The following ROBO1 variants were observed in gnomAD, a reference collection of about 807,000 sequenced individuals.
ROBO1 encodes the protein roundabout homolog 1.
Under a neutral mutation model 195.9 loss-of-function variants are expected in ROBO1, and 149 were observed. The observed-to-expected ratio is 0.76, with a 90% confidence interval of 0.67 to 0.87. The LOEUF is 0.87. Ranked by LOEUF, ROBO1 falls within the 40% of genes least tolerant of loss-of-function variation. The pLI is 0.00. For missense variants in ROBO1, 1,933 were observed against 2,068.3 expected (o/e 0.93, Z 1.27); for synonymous variants, 816 against 733.2 (o/e 1.11, Z -1.82).
intron 3 of ROBO1, among the ~76,000 whole-genome samples, chr3:79,031,602 T>C (rs1576591324): frequency 6.6e-6 from 1 of 152,206 alleles, no homozygotes; most frequent in East Asian, 1.9e-4. Context: ...CTAGCACCTA[T>C]TCTTTTTATA....
At chr3:79,642,622 T>C (rs1228824277) in intron 1 of ROBO1, among the ~76,000 whole-genome samples, 2 of 152,100 alleles carry the variant, frequency 1.3e-5, no homozygotes, top group Non-Finnish European at 2.9e-5. Flanking sequence ...GATGGCTTTT[T>C]CAAAGTAAAA....
intron 2 of ROBO1, among the ~76,000 whole-genome samples, chr3:79,317,464 C>T (rs2033787203): frequency 6.6e-6 from 1 of 152,080 alleles, no homozygotes; most frequent in African/African-American, 2.4e-5. Context: ...TTACCTAAAA[C>T]TCATCAATCA....
chr3:78,984,524 G>T (rs1456722299), intron 3 of ROBO1, among the ~76,000 whole-genome samples: 1 of 152,160 alleles, frequency 6.6e-6, no homozygotes, highest in Non-Finnish European at 1.5e-5. Flanking sequence ...AGCGAAAAAT[G>T]TTATAAAGGT....
At chr3:78,921,997 G>A (rs1479992060) in intron 4 of ROBO1, among the ~76,000 whole-genome samples, 1 of 151,890 alleles carries the variant, frequency 6.6e-6, no homozygotes, top group Non-Finnish European at 1.5e-5. Context: ...ATTAATAAGA[G>A]AAAATTTCTC....
chr3:79,496,468 C>T, intron 2 of ROBO1, among the ~76,000 whole-genome samples: 1 of 137,584 alleles, frequency 7.3e-6, no homozygotes, highest in Non-Finnish European at 1.5e-5. Context: ...ACTGCAAGCT[C>T]CGCTTCCCGG....
At chr3:79,755,678 G>C (rs1458653748) in intron 1 of ROBO1, among the ~76,000 whole-genome samples, 1 of 152,056 alleles carries the variant, frequency 6.6e-6, no homozygotes, top group Non-Finnish European at 1.5e-5. Flanking sequence ...AAAAAAACAA[G>C]AGGATGTGAC....
chr3:78,675,834 C>A (rs1241514357), intron 10 of ROBO1, among the ~76,000 whole-genome samples: 1 of 152,124 alleles, frequency 6.6e-6, no homozygotes, highest in Non-Finnish European at 1.5e-5. Context: ...GTTCTCCCAG[C>A]ACGCAGCTGG....
At chr3:79,393,733 A>T (rs1461785394) in intron 2 of ROBO1, among the ~76,000 whole-genome samples, 1 of 152,200 alleles carries the variant, frequency 6.6e-6, no homozygotes, top group Non-Finnish European at 1.5e-5. Flanking sequence ...CAGCCTTATT[A>T]TAAAGAGCAT....
At chr3:79,011,974 C>T (rs1306207928) in intron 3 of ROBO1, among the ~76,000 whole-genome samples, 6 of 152,086 alleles carry the variant, frequency 3.9e-5, no homozygotes, top group Middle Eastern at 3.2e-3. Flanking sequence ...GAGGACTCCA[C>T]GCTCCTTTCA....
At chr3:78,796,816 G>T (rs2084198088) in intron 4 of ROBO1, among the ~76,000 whole-genome samples, 1 of 152,112 alleles carries the variant, frequency 6.6e-6, no homozygotes, top group Non-Finnish European at 1.5e-5. Context: ...TGCAACATGA[G>T]TGTTCTGTCT....
intron 2 of ROBO1, among the ~76,000 whole-genome samples, chr3:79,295,517 A>G (rs2032538889): frequency 6.6e-6 from 1 of 152,194 alleles, no homozygotes; most frequent in Non-Finnish European, 1.5e-5. Context: ...TGATGGGTGC[A>G]GCAAACCACT....
intron 1 of ROBO1, among the ~76,000 whole-genome samples, chr3:79,630,459 C>G (rs553984247): frequency 6.6e-6 from 1 of 151,772 alleles, no homozygotes; most frequent in Non-Finnish European, 1.5e-5. Context: ...TGTTAAAAAC[C>G]CTTCACAAAA....
chr3:79,454,947 G>A (rs1421121244), intron 2 of ROBO1, among the ~76,000 whole-genome samples: 2 of 152,044 alleles, frequency 1.3e-5, no homozygotes, highest in African/African-American at 2.4e-5. Context: ...GATGCCCATA[G>A]GCAAAGTCAG....
At chr3:78,716,362 T>G (rs1375373066) in intron 7 of ROBO1, among the ~76,000 whole-genome samples, 1 of 151,868 alleles carries the variant, frequency 6.6e-6, no homozygotes, top group African/African-American at 2.4e-5. Flanking sequence ...GGAAGGCACC[T>G]CTTCACAGGG....
intron 3 of ROBO1, among the ~76,000 whole-genome samples, chr3:79,102,777 A>T (rs1237904526): frequency 1.3e-5 from 2 of 151,858 alleles, no homozygotes; most frequent in African/African-American, 4.8e-5. Context: ...AGCACATAAA[A>T]GTTATTGGTG....
chr3:79,675,567 A>G (rs1946759631), intron 1 of ROBO1, among the ~76,000 whole-genome samples: 1 of 152,072 alleles, frequency 6.6e-6, no homozygotes, highest in Non-Finnish European at 1.5e-5. Context: ...GAGGGTAAAG[A>G]GAAATACCAA....
intron 8 of ROBO1, among the ~76,000 whole-genome samples, chr3:78,702,651 T>G (rs927488132): frequency 6.6e-6 from 1 of 152,240 alleles, no homozygotes; most frequent in African/African-American, 2.4e-5. Flanking sequence ...CAGCTGAGAT[T>G]GGATATATCC....
At position 79,018,313 on chromosome 3, in the gene ROBO1, G is replaced by C. The variant is rs137880979; in HGVS notation, c.173-79386C>G. 44 of 1,449,128 alleles carry C rather than the reference G, an allele frequency of 3.0e-5. No homozygotes were observed. In the African/African-American group the frequency reaches 5.2e-4, roughly 17 times the overall value. The allele number at this position is 1,449,128 out of a possible 1,614,324, so 89.8% of individuals were successfully genotyped here. ...GAGCCCCTCCGGCCTTAGGAGGGAG[G>C]GGTAACCAAAATACACTTCTGGGTT... On this transcript the variant is annotated intron_variant, in intron 3 of 30. Coordinates refer to ENST00000464233, the MANE Select transcript of ROBO1 (RefSeq NM_002941.4).
chr3:79,285,912 C>A (rs2031857875), intron 2 of ROBO1, among the ~76,000 whole-genome samples: 1 of 151,682 alleles, frequency 6.6e-6, no homozygotes, highest in African/African-American at 2.4e-5. Context: ...GAAAAAAAGA[C>A]AAGGTGAAGG....
Sources: allele counts gnomAD v4.1 joint callset (sites outside exome capture counted in the v4.1 genomes callset), GRCh38; gene constraint gnomAD v4.1.1; transcripts MANE v1.5; gene names NCBI Gene and HGNC (gene_info 2026-07-23, HGNC 2026-07-21).